DTD1: variants seen among roughly 807,000 people sequenced by gnomAD.
DTD1 encodes the protein D-aminoacyl-tRNA deacylase 1.
In DTD1, 13 loss-of-function variants were observed where a neutral mutation model predicts 25.6. The observed-to-expected ratio is 0.51, with a 90% CI of 0.33 to 0.81. The LOEUF is 0.81. Ranked by LOEUF, DTD1 falls within the 30% of genes least tolerant of loss-of-function variation. The pLI is 0.02. For missense variants in DTD1, 193 were observed against 266.4 expected (o/e 0.72, Z 1.92); for synonymous variants, 110 against 103.6 (o/e 1.06, Z -0.37).
At chr20:18,589,992 G>A (rs542087111) in intron 1 of DTD1, among the ~76,000 whole-genome samples, 2 of 152,280 alleles carry the variant, frequency 1.3e-5, no homozygotes, top group East Asian at 3.9e-4. Flanking sequence ...GGGATTTTCT[G>A]ATTCCTTTAA....
chr20:18,729,776 G>A (rs1337483157), intron 4 of DTD1, among the ~76,000 whole-genome samples: 2 of 152,180 alleles, frequency 1.3e-5, no homozygotes, highest in Non-Finnish European at 2.9e-5. Flanking sequence ...GAAGCAGAGC[G>A]ACTTCCATAC....
At chr20:18,596,622 G>C (rs1314127793) in intron 3 of DTD1, among the ~76,000 whole-genome samples, 4 of 151,830 alleles carry the variant, frequency 2.6e-5, no homozygotes, top group Non-Finnish European at 5.9e-5. Flanking sequence ...AAAATAAAAA[G>C]AAATAGGTGA....
At chr20:18,710,525 C>T (rs1222804834) in intron 4 of DTD1, among the ~76,000 whole-genome samples, 1 of 152,080 alleles carries the variant, frequency 6.6e-6, no homozygotes, top group East Asian at 1.9e-4. Flanking sequence ...ATTCATAAGT[C>T]TGGTGTTTCT....
At chr20:18,680,619 G>A (rs1291876176) in intron 4 of DTD1, among the ~76,000 whole-genome samples, 4 of 151,896 alleles carry the variant, frequency 2.6e-5, no homozygotes, top group South Asian at 2.1e-4. Flanking sequence ...ATCTGGTATC[G>A]CTGCCTCTGG....
chr20:18,648,269 T>C (rs527270683), intron 4 of DTD1, among the ~76,000 whole-genome samples: 4 of 152,294 alleles, frequency 2.6e-5, no homozygotes, highest in African/African-American at 9.6e-5. Context: ...CCACTGGTTT[T>C]CAACCTTGAA....
At chr20:18,736,545 G>T (rs372881753) in intron 4 of DTD1, among the ~76,000 whole-genome samples, 2 of 152,178 alleles carry the variant, frequency 1.3e-5, no homozygotes, top group Non-Finnish European at 2.9e-5. Flanking sequence ...GAGGCAAATC[G>T]CAATTCCCTG....
At chr20:18,740,113 A>G (rs1157438962) in intron 4 of DTD1, among the ~76,000 whole-genome samples, 1 of 152,178 alleles carries the variant, frequency 6.6e-6, no homozygotes, top group East Asian at 1.9e-4. Context: ...GAATGACACT[A>G]CGAGGAGCTG....
intron 4 of DTD1, among the ~76,000 whole-genome samples, chr20:18,677,397 T>C (rs2060980597): frequency 6.6e-6 from 1 of 152,190 alleles, no homozygotes; most frequent in Admixed American, 6.5e-5. Context: ...TCCTAGTTTA[T>C]GTTGCTGAAT....
rs147380426 is a variant in DTD1 at position 18,632,926 on chromosome 20, G to A, written c.477+4693G>A. 6.6e-3 allele frequency among the ~76,000 whole-genome samples: 1,001 copies of A among 152,248 alleles called. 2 individuals are homozygous for A. Among genetic ancestry groups the A allele is most frequent in the Non-Finnish European group, 8.1e-3 (549 of 68,016 alleles). On this transcript the variant is annotated intron_variant, in intron 4 of 5. Transcript: ENST00000377452. ...TGTATGTATGTAAGCACCAAGTGTCGTTTTGGTATTTGATGGTGTGCTAGG... is the reference window on the plus strand; with the variant it reads ...TGTATGTATGTAAGCACCAAGTGTCATTTTGGTATTTGATGGTGTGCTAGG...
chr20:18,699,689 T>C (rs369801934), intron 4 of DTD1, among the ~76,000 whole-genome samples: 1 of 152,106 alleles, frequency 6.6e-6, no homozygotes, highest in African/African-American at 2.4e-5. Context: ...TGTCTCACTG[T>C]AAGAGGCTGA....
intron 3 of DTD1, among the ~76,000 whole-genome samples, chr20:18,627,056 A>C (rs956756633): frequency 2.0e-5 from 3 of 152,222 alleles, no homozygotes; most frequent in African/African-American, 7.2e-5. Context: ...ATCTGATAGG[A>C]GGTCACGGAA....
At chr20:18,663,496 G>C (rs1192374082) in intron 4 of DTD1, among the ~76,000 whole-genome samples, 1 of 152,074 alleles carries the variant, frequency 6.6e-6, no homozygotes, top group East Asian at 1.9e-4. Flanking sequence ...GTTAACAATG[G>C]GATCCATATA....
At chr20:18,748,548 G>C (rs1160679232) in intron 5 of DTD1, among the ~76,000 whole-genome samples, 5 of 152,036 alleles carry the variant, frequency 3.3e-5, no homozygotes, top group African/African-American at 1.2e-4. Context: ...TAATTCTGTG[G>C]GCAAGAAAAA....
chr20:18,590,956 T>A (rs908867314), intron 1 of DTD1, among the ~76,000 whole-genome samples: 2 of 152,180 alleles, frequency 1.3e-5, no homozygotes, highest in Non-Finnish European at 2.9e-5. Flanking sequence ...ATCTAAAATG[T>A]TTGGGTTTAA....
chr20:18,629,202 G>T (rs186183436), intron 4 of DTD1, among the ~76,000 whole-genome samples: 1 of 151,244 alleles, frequency 6.6e-6, no homozygotes, highest in African/African-American at 2.4e-5. Flanking sequence ...CTCCATGTTG[G>T]TCAGGCTGGT....
intron 4 of DTD1, among the ~76,000 whole-genome samples, chr20:18,696,066 A>G (rs1215981847): frequency 6.6e-6 from 1 of 152,156 alleles, no homozygotes; most frequent in East Asian, 1.9e-4. Context: ...CTTAAAGTCA[A>G]GGTGTTTTGT....
intron 4 of DTD1, among the ~76,000 whole-genome samples, chr20:18,722,885 C>T (rs2061209795): frequency 6.6e-6 from 1 of 152,242 alleles, no homozygotes; most frequent in East Asian, 1.9e-4. Flanking sequence ...AATCTGAAAA[C>T]ACTGTCTTAT....
At chr20:18,632,817 ATGTGTATGTG>A (rs1355234671) in intron 4 of DTD1, 6 of 302,868 alleles carry the variant, frequency 2.0e-5, no homozygotes, top group African/African-American at 1.1e-4. Context: ...ATGTGTGCAT[ATGTGTATGTG>A]TGTGTATGTG....
chr20:18,607,794 C>A (rs2060667151), intron 3 of DTD1, among the ~76,000 whole-genome samples: 1 of 151,736 alleles, frequency 6.6e-6, no homozygotes, highest in South Asian at 2.1e-4. Flanking sequence ...GCTCACTGCA[C>A]CCTCTGCCTC....
Sources: allele counts gnomAD v4.1 joint callset (sites outside exome capture counted in the v4.1 genomes callset), GRCh38; gene constraint gnomAD v4.1.1; transcripts MANE v1.5; gene names NCBI Gene and HGNC (gene_info 2026-07-23, HGNC 2026-07-21).